Variants in EPHA6 observed in about 807,000 individuals in gnomAD.
EPHA6 encodes the protein ephrin type-A receptor 6.
EPHA6 carries 50 observed loss-of-function variants against 112.0 expected under a neutral mutation model. The ratio of observed to expected loss-of-function variants is 0.45; its 90% CI spans 0.36 to 0.56. The LOEUF is 0.56. Among genes scored for constraint, EPHA6 ranks in the 20% least tolerant of loss-of-function variants. The pLI is 0.00. For synonymous variants in EPHA6, 529 were observed against 490.7 expected (o/e 1.08, Z -1.03); for missense variants, 1,280 against 1,417.4 (o/e 0.90, Z 1.56).
intron 3 of EPHA6, among the ~76,000 whole-genome samples, chr3:97,076,142 T>A (rs2046517127): frequency 6.6e-6 from 1 of 152,100 alleles, no homozygotes. Flanking sequence ...TATAAATGAT[T>A]AGGCTTAATG....
intron 16 of EPHA6, among the ~76,000 whole-genome samples, chr3:97,739,940 T>C (rs950779773): frequency 2.0e-4 from 31 of 152,126 alleles, no homozygotes; most frequent in African/African-American, 7.2e-4. Flanking sequence ...TGTCATGTCA[T>C]GCACAGCCCT....
intron 3 of EPHA6, among the ~76,000 whole-genome samples, chr3:97,171,623 G>C (rs556661291): frequency 6.0e-4 from 92 of 152,092 alleles, no homozygotes; most frequent in South Asian, 2.5e-3. Context: ...TAAGTTATTG[G>C]GAGAATGATA....
intron 14 of EPHA6, among the ~76,000 whole-genome samples, chr3:97,687,116 A>G (rs1560266219): frequency 6.6e-6 from 1 of 152,166 alleles, no homozygotes; most frequent in Non-Finnish European, 1.5e-5. Flanking sequence ...CATGAAAGTT[A>G]CTTTTCCAAA....
At chr3:97,161,780 A>G (rs1252180036) in intron 3 of EPHA6, among the ~76,000 whole-genome samples, 1 of 152,206 alleles carries the variant, frequency 6.6e-6, no homozygotes, top group Non-Finnish European at 1.5e-5. Flanking sequence ...CAATAAGTCT[A>G]AAGTGGTTGC....
Position 97,395,851 on chromosome 3 carries a change from G to A in EPHA6, c.1607-9299G>A, listed in dbSNP as rs190226034. ...AAAGAAGGAAGGCAGGGGCATCTTAGAAGAGAAAAAAGGAGAGAAAAGAAA... is the reference window on the plus strand; with the variant it reads ...AAAGAAGGAAGGCAGGGGCATCTTAAAAGAGAAAAAAGGAGAGAAAAGAAA... On this transcript the variant is annotated intron_variant, in intron 5 of 17. Coordinates refer to ENST00000389672, the MANE Select transcript of EPHA6 (RefSeq NM_001080448.3). 2.5e-3 allele frequency among the ~76,000 whole-genome samples: 381 copies of A among 151,620 alleles called. 3 individuals are homozygous for A. The highest frequency in any genetic ancestry group is 8.3e-3 in the African/African-American group (344 of 41,446).
At chr3:97,324,401 C>CTTCTT (rs1559883458) in intron 5 of EPHA6, among the ~76,000 whole-genome samples, 3 of 141,296 alleles carry the variant, frequency 2.1e-5, no homozygotes, top group South Asian at 2.3e-4. Flanking sequence ...CTTTGCTTTC[C>CTTCTT]TTCTTTTCTT....
intron 3 of EPHA6, among the ~76,000 whole-genome samples, chr3:97,013,330 A>G (rs1002868717): frequency 2.0e-5 from 3 of 152,106 alleles, no homozygotes; most frequent in African/African-American, 7.2e-5. Flanking sequence ...AATTTAAATT[A>G]TATTTTACTT....
At chr3:97,110,067 A>G (rs1317633082) in intron 3 of EPHA6, among the ~76,000 whole-genome samples, 1 of 152,162 alleles carries the variant, frequency 6.6e-6, no homozygotes, top group African/African-American at 2.4e-5. Context: ...CTTGGAGAAT[A>G]AAAGGGTAAA....
chr3:97,367,186 TTG>T (rs1381821420), intron 5 of EPHA6, among the ~76,000 whole-genome samples: 1 of 152,248 alleles, frequency 6.6e-6, no homozygotes, highest in Non-Finnish European at 1.5e-5. Flanking sequence ...TTGAAATCTA[TTG>T]TGTTACATAC....
At chr3:97,503,059 CT>C (rs2092164367) in intron 10 of EPHA6, among the ~76,000 whole-genome samples, 1 of 151,582 alleles carries the variant, frequency 6.6e-6, no homozygotes, top group Non-Finnish European at 1.5e-5. Context: ...GATATAACTG[CT>C]GATAAAAATA....
intron 6 of EPHA6, among the ~76,000 whole-genome samples, chr3:97,422,798 A>G (rs948039998): frequency 2.6e-5 from 4 of 152,234 alleles, no homozygotes; most frequent in African/African-American, 7.2e-5. Context: ...TACCACATCA[A>G]ATAACTAATC....
intron 3 of EPHA6, among the ~76,000 whole-genome samples, chr3:97,177,029 T>A (rs1480058711): frequency 6.6e-6 from 1 of 151,932 alleles, no homozygotes; most frequent in Non-Finnish European, 1.5e-5. Flanking sequence ...TAGCTATAAA[T>A]TTTCCTCTGA....
chr3:97,457,463 G>A (rs538931470), intron 7 of EPHA6, among the ~76,000 whole-genome samples: 1 of 152,072 alleles, frequency 6.6e-6, no homozygotes, highest in East Asian at 1.9e-4. Flanking sequence ...AAAAATCTGA[G>A]AATTGAATGA....
In EPHA6 at chr3:97,492,547, C is replaced by CAAAAAAAAAAAAA. The variant is rs780244403; in HGVS notation, c.2200+8523_2200+8535dup. Among the ~76,000 whole-genome samples, 11 of 28,944 alleles carry CAAAAAAAAAAAAA rather than the reference C, an allele frequency of 3.8e-4. 3 individuals are homozygous for CAAAAAAAAAAAAA. The highest frequency in any genetic ancestry group is 6.3e-4 in the Non-Finnish European group (8 of 12,638). 19.0% of individuals were successfully genotyped at this position (28,944 alleles called of 152,430 possible). ...ACAGAGCGAGAGTGAGACTCAGTCT[C>CAAAAAAAAAAAAA]AAAAAAAAAAAAAAAAAAAAAAAAA... On this transcript the variant is annotated intron_variant, in intron 10 of 17. Coordinates refer to ENST00000389672, the MANE Select transcript of EPHA6 (RefSeq NM_001080448.3).
chr3:97,547,092 G>A (rs557167632), intron 11 of EPHA6, among the ~76,000 whole-genome samples: 2 of 152,248 alleles, frequency 1.3e-5, no homozygotes, highest in African/African-American at 2.4e-5. Context: ...GTCCATCTTT[G>A]TTCCATTGGT....
At chr3:97,520,339 A>C (rs2092520679) in intron 10 of EPHA6, among the ~76,000 whole-genome samples, 1 of 152,064 alleles carries the variant, frequency 6.6e-6, no homozygotes, top group Non-Finnish European at 1.5e-5. Context: ...CTGATGGTAG[A>C]TATCATCCTT....
At chr3:96,996,082 T>C (rs2043409182) in intron 3 of EPHA6, among the ~76,000 whole-genome samples, 1 of 152,156 alleles carries the variant, frequency 6.6e-6, no homozygotes, top group South Asian at 2.1e-4. Context: ...AACATTTTGC[T>C]GTCATTTCAG....
intron 15 of EPHA6, among the ~76,000 whole-genome samples, chr3:97,729,888 A>T (rs1169932838): frequency 6.6e-6 from 1 of 152,098 alleles, no homozygotes. Flanking sequence ...TCTACCTGAA[A>T]TTATAGGTTT....
intron 5 of EPHA6, among the ~76,000 whole-genome samples, chr3:97,393,631 A>G (rs1303942342): frequency 1.3e-5 from 2 of 151,760 alleles, no homozygotes; most frequent in Non-Finnish European, 3.0e-5. Flanking sequence ...TCTTTCACTA[A>G]TGTCTTATCA....
Sources: allele counts gnomAD v4.1 joint callset (sites outside exome capture counted in the v4.1 genomes callset), GRCh38; gene constraint gnomAD v4.1.1; transcripts MANE v1.5; gene names NCBI Gene and HGNC (gene_info 2026-07-23, HGNC 2026-07-21).